SLC26A8: variants seen among roughly 807,000 people sequenced by gnomAD.
SLC26A8 encodes solute carrier family 26 member 8, also known as testis anion transporter 1.
In SLC26A8, 70 loss-of-function variants were observed where a neutral mutation model predicts 105.0. The ratio of observed to expected loss-of-function variants is 0.67; its 90% CI spans 0.55 to 0.81. SLC26A8 has a LOEUF of 0.81. Ranked by LOEUF, SLC26A8 falls within the 40% of genes least tolerant of loss-of-function variation. The pLI is 0.00. For synonymous variants in SLC26A8, 415 were observed against 438.3 expected (o/e 0.95, Z 0.66); for missense variants, 998 against 1,181.8 (o/e 0.84, Z 2.28).
At chr6:36,000,283 C>G (rs1033089036) in intron 3 of SLC26A8, among the ~76,000 whole-genome samples, 175 bp from the exon 4 acceptor site, 2 of 152,142 alleles carry the variant, frequency 1.3e-5, no homozygotes, top group East Asian at 3.8e-4. Flanking sequence ...TTCTTTGATT[C>G]CTAGCTTCTC....
chr6:35,992,779 T>C (rs1761213049), intron 5 of SLC26A8, 105 bp from the exon 6 acceptor site: 2 of 1,178,678 alleles, frequency 1.7e-6, no homozygotes, highest in South Asian at 1.6e-5. Context: ...AAAGTTAAGA[T>C]AGGCCCCTTT....
intron 9 of SLC26A8, among the ~76,000 whole-genome samples, chr6:35,975,782 G>A (rs541042855): frequency 2.6e-5 from 4 of 151,838 alleles, no homozygotes; most frequent in African/African-American, 7.2e-5. Context: ...GCATAGTGGC[G>A]CATGCCTGTA....
intron 3 of SLC26A8, among the ~76,000 whole-genome samples, chr6:36,007,401 G>T (rs74923679): frequency 3.3e-5 from 5 of 152,056 alleles, no homozygotes; most frequent in Non-Finnish European, 5.9e-5. Flanking sequence ...AACAAAACAC[G>T]TAGGATCTCT....
intron 11 of SLC26A8, among the ~76,000 whole-genome samples, chr6:35,965,825 T>G (rs377238499): frequency 6.6e-6 from 1 of 151,104 alleles, no homozygotes; most frequent in Non-Finnish European, 1.5e-5. Context: ...ACTCCATCTC[T>G]ACTAAAAATG....
intron 12 of SLC26A8, 96 bp downstream of exon 12, chr6:35,962,430 C>G: frequency 8.9e-6 from 9 of 1,006,140 alleles, no homozygotes. Context: ...TGTTTGTGTT[C>G]TTTAGGTCCA....
At chr6:36,018,793 G>A (rs915796547) in intron 2 of SLC26A8, among the ~76,000 whole-genome samples, 1 of 152,230 alleles carries the variant, frequency 6.6e-6, no homozygotes, top group Non-Finnish European at 1.5e-5. Context: ...GACCTAGCTA[G>A]TCACAGCGGG....
At position 36,000,323 on chromosome 6, in the gene SLC26A8, T is replaced by C. The variant is rs9462151; in HGVS notation, c.329-215A>G. Among the ~76,000 whole-genome samples the C allele has an allele frequency of 0.56, 85,228 of 151,974 alleles. 24,244 individuals are homozygous for C. Among genetic ancestry groups the C allele is most frequent in the South Asian group, 0.71 (3,404 of 4,822 alleles). The stretch of plus-strand genomic sequence containing the variant: ...TATTTTGCCACATGCTTTTACACTT[T>C]AATTCAATATCATAGGCTGAAACAT... On this transcript the variant is annotated intron_variant, in intron 3 of 19. Transcript: ENST00000490799.
chr6:35,975,559 A>T, intron 9 of SLC26A8, 71 bp from the exon 10 acceptor site: 1 of 813,380 alleles, frequency 1.2e-6, no homozygotes, highest in Non-Finnish European at 2.0e-6. Flanking sequence ...TTGAAGGCAT[A>T]TGGTTTTTTT....
At chr6:35,975,344 G>A (rs1772964336) in intron 10 of SLC26A8, 31 bp downstream of exon 10, 1 of 1,241,146 alleles carries the variant, frequency 8.1e-7, no homozygotes, top group Admixed American at 1.8e-5. Context: ...ATATGTTTAT[G>A]TATTAGAGAT....
At chr6:35,999,070 A>G (rs1332678111) in intron 4 of SLC26A8, among the ~76,000 whole-genome samples, 5 of 151,848 alleles carry the variant, frequency 3.3e-5, no homozygotes, top group Admixed American at 3.3e-4. Context: ...AATTTTTTGT[A>G]TTTTTAGTAG....
intron 2 of SLC26A8, among the ~76,000 whole-genome samples, chr6:36,016,456 A>T (rs1016976658): frequency 6.6e-6 from 1 of 152,208 alleles, no homozygotes; most frequent in African/African-American, 2.4e-5. Flanking sequence ...TATCAGCAGA[A>T]CTTGACTTTG....
At chr6:35,968,605 G>A (rs1332090576) in intron 11 of SLC26A8, among the ~76,000 whole-genome samples, 47 of 53,824 alleles carry the variant, frequency 8.7e-4, no homozygotes, top group African/African-American at 1.3e-3. Context: ...GTGTGTGTGT[G>A]TGTGTATATA....
At chr6:36,008,149 G>C (rs968434639) in intron 3 of SLC26A8, among the ~76,000 whole-genome samples, 1 of 151,172 alleles carries the variant, frequency 6.6e-6, no homozygotes, top group African/African-American at 2.4e-5. Context: ...TGGTGTTGAG[G>C]CCGGGCATGG....
intron 7 of SLC26A8, 41 bp from the exon 8 acceptor site, chr6:35,982,244 A>G (rs747145374): frequency 6.3e-6 from 10 of 1,585,002 alleles, no homozygotes; most frequent in Non-Finnish European, 6.9e-6. Flanking sequence ...GCATATGAAT[A>G]CCTAAATATA....
intron 3 of SLC26A8, among the ~76,000 whole-genome samples, chr6:36,008,012 C>T (rs1326339702): frequency 3.3e-5 from 5 of 150,570 alleles, no homozygotes; most frequent in African/African-American, 1.2e-4. Flanking sequence ...CCCAGCTACT[C>T]GGGAGGCTAA....
At chr6:35,979,132 A>G (rs1468571150) in intron 8 of SLC26A8, among the ~76,000 whole-genome samples, 1 of 149,832 alleles carries the variant, frequency 6.7e-6, no homozygotes, top group African/African-American at 2.5e-5. Flanking sequence ...GATTACAGGC[A>G]TGAGCCACTG....
At chr6:35,979,596 C>CT (rs775844702) in intron 8 of SLC26A8, among the ~76,000 whole-genome samples, 3 of 152,122 alleles carry the variant, frequency 2.0e-5, no homozygotes, top group Non-Finnish European at 4.4e-5. Context: ...CAAATTCCAC[C>CT]TTTTTGTCTT....
intron 5 of SLC26A8, among the ~76,000 whole-genome samples, chr6:35,994,881 T>C (rs1581678084): frequency 6.6e-6 from 1 of 152,190 alleles, no homozygotes; most frequent in Non-Finnish European, 1.5e-5. Flanking sequence ...CTGGCCTGCA[T>C]CATCTTTCAA....
rs1235340254 is a variant in SLC26A8, at chr6:35,955,240, G to A, written c.2144C>T (p.Ala715Val). The A allele has an allele frequency of 1.1e-5, 17 of 1,614,140 alleles. No homozygotes were observed. Among genetic ancestry groups the A allele is most frequent in the East Asian group, 2.2e-5 (1 of 44,876 alleles). ...GGTGTGGACACTGGGCAGTAGAGAC[G>A]CATCTGAGTAAGGGATGAGTGATCT... ...GRRSLIPYSD[A>V]SLLPSVHTII... The change falls in exon 17 of 20, where the codon GCG (alanine) becomes GTG (valine). Residue 715 changes from alanine (A) to valine (V), a missense_variant. Transcript: ENST00000490799.
Sources: gnomAD v4.1 joint callset for allele counts (sites outside exome capture counted in the v4.1 genomes callset) on GRCh38, gnomAD v4.1.1 for gene constraint, MANE v1.5 for transcripts, NCBI Gene and HGNC (gene_info 2026-07-23, HGNC 2026-07-21) for gene names.